LARP1: variants seen among roughly 807,000 people sequenced by gnomAD.
LARP1 encodes la-related protein 1.
A neutral mutation model predicts 122.7 loss-of-function variants in LARP1; 36 were observed. The observed-to-expected ratio is 0.29, with a 90% confidence interval of 0.22 to 0.39. The LOEUF (loss-of-function observed/expected upper bound fraction) is 0.39, where lower values mean the gene tolerates loss of function less well. Among genes scored for constraint, LARP1 ranks in the 10% least tolerant of loss-of-function variants. The pLI, the probability that LARP1 is intolerant of heterozygous loss-of-function variation, is 1.00. For missense variants in LARP1, 1,040 were observed against 1,403.6 expected, an observed-to-expected ratio of 0.74 and a Z score of 4.14; for synonymous variants, 539 against 528.7, an observed-to-expected ratio of 1.02 and a Z score of -0.27.
chr5:154,718,922 G>A (rs938416180), intron 1 of LARP1, among the ~76,000 whole-genome samples: 4 of 152,212 alleles, frequency 2.6e-5, no homozygotes, highest in Non-Finnish European at 5.9e-5. Context: ...ATGAAAGCTG[G>A]TGTGGGAAGG....
At chr5:154,772,980 CTT>C (rs545991732) in intron 1 of LARP1, among the ~76,000 whole-genome samples, 16 of 115,100 alleles carry the variant, frequency 1.4e-4, no homozygotes, top group Admixed American at 1.9e-4. Flanking sequence ...CGCACCTGGC[CTT>C]TTTTTTTTTT....
At chr5:154,756,332 G>A in intron 1 of LARP1, 139 bp downstream of exon 1, 1 of 929,398 alleles carries the variant, frequency 1.1e-6, no homozygotes, top group Non-Finnish European at 1.3e-6. Context: ...CCTCCTGGTT[G>A]ATCCTGGTCG....
upstream of LARP1, among the ~76,000 whole-genome samples, chr5:154,753,029 C>G (rs1753586500): frequency 6.6e-6 from 1 of 152,064 alleles, no homozygotes; most frequent in Admixed American, 6.5e-5. Flanking sequence ...AGGCAGATCT[C>G]AGTACCCCTC....
chr5:154,802,039 C>G lies in LARP1; in HGVS notation c.1749C>G (p.Thr583=). The stretch of plus-strand genomic sequence containing the variant: ...AGGAGTCCAGATTTTCCCACCTGAC[C>G]TCTCTGCCTCAGCAGCTGCCTTCCC... ...KSEESRFSHL[T]SLPQQLPSQQ... Residue 583 remains threonine, a synonymous_variant, in exon 11 of 19, where the codon ACC becomes ACG. Transcript: ENST00000518297. The surrounding 1 kb of genome is among the most constrained non-coding windows in gnomAD (Gnocchi z 5.1). The G allele has an allele frequency of 1.2e-6, 2 of 1,613,736 alleles. No individual in the cohort carries two copies. The highest frequency in any genetic ancestry group is 1.7e-6 in the Non-Finnish European group (2 of 1,179,856).
chr5:154,771,668 C>A (rs577043962), intron 1 of LARP1, among the ~76,000 whole-genome samples: 1 of 152,376 alleles, frequency 6.6e-6, no homozygotes, highest in South Asian at 2.1e-4. Context: ...CGCCTCAACT[C>A]TGCCTCCGCT....
chr5:154,754,476 G>C (rs1753673459), upstream of LARP1, among the ~76,000 whole-genome samples: 1 of 152,194 alleles, frequency 6.6e-6, no homozygotes, highest in South Asian at 2.1e-4. Context: ...GATCTCAGAA[G>C]TCCCAATCCA....
At chr5:154,733,287 C>T (rs1756692296) in intron 1 of LARP1, among the ~76,000 whole-genome samples, 1 of 152,236 alleles carries the variant, frequency 6.6e-6, no homozygotes, top group African/African-American at 2.4e-5. Flanking sequence ...GGTCTAGCAG[C>T]ATAGCCAGGC....
chr5:154,772,980 C>CTTTTTTTTTTT (rs545991732), intron 1 of LARP1, among the ~76,000 whole-genome samples: 2 of 115,110 alleles, frequency 1.7e-5, no homozygotes, highest in Non-Finnish European at 3.5e-5. Flanking sequence ...CGCACCTGGC[C>CTTTTTTTTTTT]TTTTTTTTTT....
intron 1 of LARP1, among the ~76,000 whole-genome samples, chr5:154,745,274 G>T (rs1753130276): frequency 6.6e-6 from 1 of 152,194 alleles, no homozygotes; most frequent in Admixed American, 6.5e-5. Context: ...CCAACTAGCA[G>T]TGTGACTTCA....
At chr5:154,699,174 C>T (rs1213193633) in intron 1 of LARP1, among the ~76,000 whole-genome samples, 1 of 152,198 alleles carries the variant, frequency 6.6e-6, no homozygotes, top group Non-Finnish European at 1.5e-5. Context: ...TTCAGAAGGA[C>T]TGTTGTAGTT....
intron 1 of LARP1, among the ~76,000 whole-genome samples, chr5:154,694,462 A>G (rs1391489298): frequency 6.6e-6 from 1 of 151,426 alleles, no homozygotes; most frequent in East Asian, 1.9e-4. Context: ...ATCTCACTAC[A>G]TTGCCCAGGC....
chr5:154,787,130 C>T (rs185284800), intron 1 of LARP1, among the ~76,000 whole-genome samples: 21 of 152,320 alleles, frequency 1.4e-4, no homozygotes, highest in African/African-American at 4.3e-4. Context: ...CCACCCACCT[C>T]GGCCTCCCAA....
chr5:154,765,613 T>TA (rs775891240), intron 1 of LARP1, among the ~76,000 whole-genome samples: 24 of 152,140 alleles, frequency 1.6e-4, no homozygotes, highest in Non-Finnish European at 2.8e-4. Flanking sequence ...AGGCTGGTCT[T>TA]AAACTCCTAG....
chr5:154,757,028 G>C (rs1203600609), intron 1 of LARP1: 1 of 148,360 alleles, frequency 6.7e-6, no homozygotes, highest in Admixed American at 6.7e-5. Flanking sequence ...GGCGGCCCGC[G>C]GGCCGCTCGG....
At chr5:154,736,639 C>T (rs1248713613) in intron 1 of LARP1, among the ~76,000 whole-genome samples, 1 of 151,812 alleles carries the variant, frequency 6.6e-6, no homozygotes, top group East Asian at 1.9e-4. Context: ...GATCTTGCCT[C>T]ACTGCAACCT....
chr5:154,737,401 TC>T (rs887022699), intron 1 of LARP1, among the ~76,000 whole-genome samples: 6 of 151,820 alleles, frequency 4.0e-5, no homozygotes, highest in African/African-American at 1.5e-4. Context: ...GAACTAAACT[TC>T]CTTTTTGGTA....
At chr5:154,796,003 T>G (rs1332532864) in intron 8 of LARP1, among the ~76,000 whole-genome samples, 1 of 102,578 alleles carries the variant, frequency 9.7e-6, no homozygotes, top group East Asian at 2.3e-4. Context: ...TTTTTATATA[T>G]ATTATATATT....
Position 154,755,903 on chromosome 5 carries a change from C to T in LARP1, c.146C>T (p.Pro49Leu). The T allele has an allele frequency of 9.9e-7, 1 of 1,007,980 alleles. No homozygotes were observed. Among genetic ancestry groups the T allele is most frequent in the Non-Finnish European group, 1.2e-6 (1 of 843,582 alleles). 62.4% of individuals were successfully genotyped at this position (1,007,980 alleles called of 1,614,324 possible). ...CCAAACGACGTCCGCGGGGGGGAGC[C>T]GGACGGCAGCGCTCGGAGACCCCGG... is the stretch of plus-strand genomic sequence containing the variant. ...PGPNDVRGGE[P>L]DGSARRPRPP... The change falls in exon 1 of 19, where the codon CCG becomes CTG. Residue 49 changes from proline to leucine, a missense_variant. Pro to Leu is a moderately conservative substitution (Grantham distance 98). Transcript: ENST00000518297.
chr5:154,717,335 CCTCTGCATTG>C (rs1229052264), intron 1 of LARP1, among the ~76,000 whole-genome samples: 2 of 152,170 alleles, frequency 1.3e-5, no homozygotes, highest in Non-Finnish European at 2.9e-5. Context: ...GGTTATTCAA[CCTCTGCATTG>C]CACTCTACTC....
Sources: allele counts gnomAD v4.1 joint callset (sites outside exome capture counted in the v4.1 genomes callset), GRCh38; gene constraint gnomAD v4.1.1; non-coding constraint Gnocchi (gnomAD v3.1); transcripts MANE v1.5; gene names NCBI Gene and HGNC (gene_info 2026-07-23, HGNC 2026-07-21).